The following C10orf143 variants were observed in gnomAD, a reference collection of about 807,000 sequenced individuals.
The protein encoded by C10orf143 is chromosome 10 open reading frame 143.
intron 3 of C10orf143, among the ~76,000 whole-genome samples, chr10:130,069,206 A>C (rs1245286282): frequency 7.2e-5 from 11 of 152,308 alleles, no homozygotes; most frequent in South Asian, 6.2e-4. Flanking sequence ...ATTTCTCATC[A>C]GACATCATGG....
chr10:130,093,984 T>C (rs1242978807), intron 1 of C10orf143, among the ~76,000 whole-genome samples: 2 of 146,368 alleles, frequency 1.4e-5, no homozygotes, highest in Non-Finnish European at 3.0e-5. Context: ...TACTCCAGCC[T>C]GGGCAACAGA....
rs1487280189 is a variant in C10orf143, at chr10:130,105,981, G to T, written c.69+4723C>A. 3.2e-5 allele frequency: 13 copies of T among 408,546 alleles called. No homozygotes were observed. The Admixed American group carries it at 4.4e-4, about 14-fold the overall frequency. 25.3% of individuals were successfully genotyped at this position (408,546 alleles called of 1,614,324 possible). On this transcript the variant is annotated intron_variant, in intron 1 of 3. Coordinates refer to ENST00000637128, the MANE Select transcript of C10orf143 (RefSeq NM_001355042.2). ...GGATTCGGGTTCCGGACGCAAGGCT[G>T]CGAGTTCTCCGCTGCTTGTTGTGGC...
rs187882206 is a variant in C10orf143 at position 130,079,530 on chromosome 10, T to C, written c.297+36A>G. ...GATCTAATATTTAAGAAGAAGTCTA[T>C]CTTTTATGTCACAGCAAGAAGGTTA... On this transcript the variant is annotated intron_variant, in intron 3 of 3. Transcript: ENST00000637128. The C allele has an allele frequency of 1.5e-3, 613 of 399,030 alleles. 7 individuals are homozygous for C. Among genetic ancestry groups the C allele is most frequent in the African/African-American group, 0.011 (551 of 48,758 alleles). 24.7% of individuals were successfully genotyped at this position (399,030 alleles called of 1,614,324 possible).
intron 1 of C10orf143, chr10:130,107,616 G>C (rs770489823): frequency 1.2e-5 from 16 of 1,343,250 alleles, no homozygotes; most frequent in Non-Finnish European, 1.7e-5. Flanking sequence ...TCATTGGGTC[G>C]GCCTTCATCT....
chr10:130,037,717 C>T (rs759468414), intron 3 of C10orf143, among the ~76,000 whole-genome samples: 14 of 152,330 alleles, frequency 9.2e-5, no homozygotes, highest in Middle Eastern at 3.4e-3. Flanking sequence ...CAGACCCATA[C>T]GTGACAACTG....
chr10:130,061,434 T>C (rs1208263431), downstream of C10orf143, among the ~76,000 whole-genome samples: 1 of 152,242 alleles, frequency 6.6e-6, no homozygotes, highest in East Asian at 1.9e-4. Context: ...CCACTTACCA[T>C]GCTTTTGAAT....
downstream of C10orf143, among the ~76,000 whole-genome samples, chr10:130,063,388 C>T (rs538166439): frequency 1.2e-4 from 19 of 152,280 alleles, no homozygotes; most frequent in African/African-American, 3.1e-4. Context: ...AGGCTACAAA[C>T]GCCAATACCT....
chr10:130,040,526 C>CT (rs1214080300), intron 3 of C10orf143, among the ~76,000 whole-genome samples: 1 of 152,226 alleles, frequency 6.6e-6, no homozygotes, highest in Non-Finnish European at 1.5e-5. Flanking sequence ...ACCCTGCAGC[C>CT]TCCAGACAGT....
chr10:130,039,390 G>A (rs754696799), intron 3 of C10orf143, among the ~76,000 whole-genome samples: 4 of 152,134 alleles, frequency 2.6e-5, no homozygotes, highest in Non-Finnish European at 4.4e-5. Context: ...GAGTCCCAGT[G>A]TGAGTCTGAA....
chr10:130,083,356 T>C (rs1861237945), intron 1 of C10orf143, among the ~76,000 whole-genome samples: 1 of 152,206 alleles, frequency 6.6e-6, no homozygotes, highest in South Asian at 2.1e-4. Flanking sequence ...AATTTGGCAA[T>C]ACAAAGCTAT....
intron 3 of C10orf143, among the ~76,000 whole-genome samples, chr10:130,070,104 T>G (rs2765491): frequency 0.95 from 143,928 of 152,270 alleles, 68,105 homozygotes; most frequent in African/African-American, 0.99. Flanking sequence ...TTTTCCCTTT[T>G]ATCAGACAAT....
At chr10:130,054,971 A>G (rs1295347666) in intron 3 of C10orf143, among the ~76,000 whole-genome samples, 1 of 152,244 alleles carries the variant, frequency 6.6e-6, no homozygotes, top group Non-Finnish European at 1.5e-5. Flanking sequence ...TACAGTCTCC[A>G]ACAAATGGTA....
intron 1 of C10orf143, chr10:130,106,025 C>A: frequency 2.0e-6 from 1 of 491,674 alleles, no homozygotes; most frequent in South Asian, 1.6e-5. Context: ...CTGCGGCGAC[C>A]GCCAGAGCAG....
At chr10:130,042,168 G>A (rs559319930) in intron 3 of C10orf143, among the ~76,000 whole-genome samples, 2 of 152,376 alleles carry the variant, frequency 1.3e-5, no homozygotes, top group South Asian at 2.1e-4. Context: ...CATGTGGGAA[G>A]AAGGGAATGA....
At chr10:130,045,648 A>G (rs1348713669) in intron 3 of C10orf143, among the ~76,000 whole-genome samples, 1 of 152,254 alleles carries the variant, frequency 6.6e-6, no homozygotes, top group African/African-American at 2.4e-5. Context: ...AAATGCAGCC[A>G]AGGTGTCAAT....
intron 3 of C10orf143, among the ~76,000 whole-genome samples, chr10:130,051,200 C>T (rs1298084720): frequency 6.6e-6 from 1 of 152,068 alleles, no homozygotes; most frequent in African/African-American, 2.4e-5. Context: ...CCGTTGTGCT[C>T]ACCTTCCTTC....
intron 3 of C10orf143, chr10:130,067,393 G>A (rs1451440762): frequency 6.6e-6 from 1 of 152,190 alleles, no homozygotes; most frequent in Admixed American, 6.5e-5. Flanking sequence ...TCATCCCTGT[G>A]GACTGGGGGA....
chr10:130,070,258 G>T (rs1861008790), intron 3 of C10orf143, among the ~76,000 whole-genome samples: 1 of 152,122 alleles, frequency 6.6e-6, no homozygotes. Flanking sequence ...CTCTGTTCTT[G>T]AGTCAGTTTT....
chr10:130,104,718 C>G (rs149428703), intron 1 of C10orf143: 37 of 152,330 alleles, frequency 2.4e-4, no homozygotes, highest in African/African-American at 8.4e-4. Flanking sequence ...TGGTAACAGT[C>G]AAGAAGTATT....
Sources: allele counts gnomAD v4.1 joint callset (sites outside exome capture counted in the v4.1 genomes callset), GRCh38; gene constraint gnomAD v4.1.1; transcripts MANE v1.5; gene names NCBI Gene and HGNC (gene_info 2026-07-23, HGNC 2026-07-21).